PREX1: variants seen among roughly 807,000 people sequenced by gnomAD.
PREX1 encodes phosphatidylinositol-3,4,5-trisphosphate dependent Rac exchange factor 1.
Under a neutral mutation model 198.3 loss-of-function variants are expected in PREX1, and 41 were observed. The observed-to-expected ratio is 0.21, with a 90% confidence interval of 0.16 to 0.27. The LOEUF (loss-of-function observed/expected upper bound fraction) is 0.27, where lower values mean the gene tolerates loss of function less well. Ranked by LOEUF, PREX1 falls within the 10% of genes least tolerant of loss-of-function variation. The probability of loss-of-function intolerance (pLI) is 1.00; values close to 1 mark genes in which losing one functional copy is unlikely to be tolerated. For synonymous variants in PREX1, 843 were observed against 887.2 expected (o/e 0.95, Z 0.89); for missense variants, 1,620 against 2,200.7 (o/e 0.74, Z 5.28).
At chr20:48,627,377 C>T (rs2089281082) in intron 39 of PREX1, among the ~76,000 whole-genome samples, 171 bp downstream of exon 39, 1 of 151,658 alleles carries the variant, frequency 6.6e-6, no homozygotes, top group Admixed American at 6.6e-5. Context: ...AGCAGGAGCT[C>T]CTTTGGGAGG....
intron 7 of PREX1, among the ~76,000 whole-genome samples, chr20:48,694,164 G>A (rs1041855383): frequency 1.3e-5 from 2 of 151,634 alleles, no homozygotes; most frequent in African/African-American, 4.8e-5. Context: ...CACCCCCCTC[G>A]GCCTCCCAAA....
chr20:48,830,955 A>G (rs2090535987), upstream of PREX1, among the ~76,000 whole-genome samples: 1 of 152,204 alleles, frequency 6.6e-6, no homozygotes, highest in Non-Finnish European at 1.5e-5. Flanking sequence ...AAACTGGGCT[A>G]TTGATAGCTT....
chr20:48,796,383 T>C (rs1235208161), intron 1 of PREX1, among the ~76,000 whole-genome samples: 1 of 151,724 alleles, frequency 6.6e-6, no homozygotes. Flanking sequence ...TTCCATGTGC[T>C]ATCATGGAAC....
chr20:48,876,306 C>T, the PREX1 span, among the ~76,000 whole-genome samples: 1 of 152,176 alleles, frequency 6.6e-6, no homozygotes, highest in Non-Finnish European at 1.5e-5. Flanking sequence ...CGGGAGCCAA[C>T]CAGAGCCCTC....
At chr20:48,637,666 G>C (rs41283548) in intron 31 of PREX1, 45 bp downstream of exon 31, 24,804 of 1,549,126 alleles carry the variant, frequency 0.016, 260 homozygotes, top group Non-Finnish European at 0.02. Context: ...TTGGGTGGTG[G>C]AAGAGGCCGG....
chr20:48,818,588 G>C (rs1032139046), intron 1 of PREX1, among the ~76,000 whole-genome samples: 1 of 152,234 alleles, frequency 6.6e-6, no homozygotes. Context: ...CGCGTCCTCA[G>C]GTACGCCACT....
At chr20:48,783,722 G>A (rs1177106878) in intron 1 of PREX1, among the ~76,000 whole-genome samples, 1 of 152,130 alleles carries the variant, frequency 6.6e-6, no homozygotes, top group Non-Finnish European at 1.5e-5. Flanking sequence ...GATTGGTCTC[G>A]ACTACTCAGC....
At chr20:48,638,073 C>T (rs938267190) in intron 30 of PREX1, among the ~76,000 whole-genome samples, 1 of 152,146 alleles carries the variant, frequency 6.6e-6, no homozygotes, top group South Asian at 2.1e-4. Flanking sequence ...GTCACACACA[C>T]GTACAACCTA....
chr20:48,700,982 CA>C, intron 6 of PREX1, 96 bp from the exon 7 acceptor site: 6 of 1,519,278 alleles, frequency 3.9e-6, no homozygotes, highest in Non-Finnish European at 4.5e-6. Context: ...TGCCACATGC[CA>C]AAAACTCCAC....
chr20:48,762,096 G>A (rs1211703840), intron 1 of PREX1, among the ~76,000 whole-genome samples: 1 of 152,130 alleles, frequency 6.6e-6, no homozygotes, highest in African/African-American at 2.4e-5. Context: ...CTGCTACTTC[G>A]CCTTTACCCT....
intron 13 of PREX1, among the ~76,000 whole-genome samples, chr20:48,678,954 G>A (rs555441789): frequency 6.6e-6 from 1 of 152,218 alleles, no homozygotes; most frequent in African/African-American, 2.4e-5. Context: ...TGAAGGAAGT[G>A]AGGGAACGAA....
At chr20:48,644,640 G>A (rs765975313) in intron 26 of PREX1, 143 bp from the exon 27 acceptor site, 21 of 692,434 alleles carry the variant, frequency 3.0e-5, no homozygotes, top group Middle Eastern at 8.0e-4. Context: ...ACCGAGCACC[G>A]GTCCTGGGTC....
chr20:48,819,571 C>A (rs935974822), intron 1 of PREX1, among the ~76,000 whole-genome samples: 2 of 152,218 alleles, frequency 1.3e-5, no homozygotes, highest in Non-Finnish European at 2.9e-5. Context: ...CAGCCTCTCC[C>A]GGCTTTAGTT....
intron 26 of PREX1, 84 bp downstream of exon 26, chr20:48,645,767 G>A (rs1233760672): frequency 6.9e-7 from 1 of 1,450,766 alleles, no homozygotes; most frequent in African/African-American, 1.4e-5. Flanking sequence ...AGTGTCCACT[G>A]ATTCTGATGT....
chr20:48,789,367 T>C (rs1057000080), intron 1 of PREX1, among the ~76,000 whole-genome samples: 1 of 152,196 alleles, frequency 6.6e-6, no homozygotes, highest in Non-Finnish European at 1.5e-5. Flanking sequence ...GTAATAATGA[T>C]GGTAATAACA....
At chr20:48,714,270 T>C (rs1466322514) in intron 5 of PREX1, among the ~76,000 whole-genome samples, 1 of 152,140 alleles carries the variant, frequency 6.6e-6, no homozygotes, top group African/African-American at 2.4e-5. Flanking sequence ...GTGCTTCAAA[T>C]GACACTACCC....
chr20:48,660,091 T>C, intron 15 of PREX1, 30 bp from the exon 16 acceptor site: 1 of 1,601,636 alleles, frequency 6.2e-7, no homozygotes, highest in Non-Finnish European at 8.5e-7. Context: ...CACTCAGTGG[T>C]CAGATTCACA....
rs1184089353 is a variant in PREX1 at position 48,718,551 on chromosome 20, A to C, written c.621+7739T>G. ...AGAACCAAGTTCAAATATATTAATAAACACAATAAATATAAGTGGACGAAA... is the reference window on the plus strand; with the variant it reads ...AGAACCAAGTTCAAATATATTAATACACACAATAAATATAAGTGGACGAAA... On this transcript the variant is annotated intron_variant, in intron 5 of 39. Transcript: ENST00000371941. Among the ~76,000 whole-genome samples, 10 of 152,208 alleles carry C rather than the reference A, an allele frequency of 6.6e-5. No individual in the cohort carries two copies. The East Asian group carries it at 1.9e-3, about 29-fold the overall frequency.
chr20:48,675,555 G>A (rs534396082), intron 14 of PREX1, among the ~76,000 whole-genome samples: 9 of 152,302 alleles, frequency 5.9e-5, no homozygotes, highest in East Asian at 1.9e-4. Flanking sequence ...CTGCTATGAG[G>A]TAACTAGAGT....
Sources: allele counts gnomAD v4.1 joint callset (sites outside exome capture counted in the v4.1 genomes callset), GRCh38; gene constraint gnomAD v4.1.1; transcripts MANE v1.5; gene names NCBI Gene and HGNC (gene_info 2026-07-23, HGNC 2026-07-21).